The following E2F3 variants were observed in gnomAD, a reference collection of about 807,000 sequenced individuals.
E2F3 encodes the protein E2F transcription factor 3.
In E2F3, 11 loss-of-function variants were observed where a neutral mutation model predicts 44.4. The observed-to-expected ratio is 0.25, with a 90% CI of 0.16 to 0.41. E2F3 has a LOEUF of 0.41. Ranked by LOEUF, E2F3 falls within the 10% of genes least tolerant of loss-of-function variation. The probability of loss-of-function intolerance (pLI) is 1.00; values close to 1 mark genes in which losing one functional copy is unlikely to be tolerated. For missense variants in E2F3, 487 were observed against 583.6 expected, an observed-to-expected ratio of 0.83 and a Z score of 1.70; for synonymous variants, 249 against 253.0, an observed-to-expected ratio of 0.98 and a Z score of 0.15.
At chr6:20,426,878 A>G (rs148222707) in intron 1 of E2F3, among the ~76,000 whole-genome samples, 1 of 152,302 alleles carries the variant, frequency 6.6e-6, no homozygotes, top group Non-Finnish European at 1.5e-5. Context: ...CTGTAACTGT[A>G]GCTCCACTGT....
At chr6:20,470,963 G>A (rs953572298) in intron 1 of E2F3, among the ~76,000 whole-genome samples, 1 of 152,114 alleles carries the variant, frequency 6.6e-6, no homozygotes, top group Admixed American at 6.5e-5. Context: ...ACCCCAAATG[G>A]AAATGATATT....
At chr6:20,431,639 AG>A (rs1468866603) in intron 1 of E2F3, among the ~76,000 whole-genome samples, 1 of 152,072 alleles carries the variant, frequency 6.6e-6, no homozygotes, top group Non-Finnish European at 1.5e-5. Flanking sequence ...AGCAGAATGA[AG>A]CCCCTGTTAC....
At chr6:20,427,552 C>G (rs1760256356) in intron 1 of E2F3, among the ~76,000 whole-genome samples, 1 of 152,114 alleles carries the variant, frequency 6.6e-6, no homozygotes, top group Non-Finnish European at 1.5e-5. Flanking sequence ...TTCTAAGGCC[C>G]CCTTCTGCTC....
chr6:20,484,566 CT>C (rs769725207), intron 4 of E2F3, among the ~76,000 whole-genome samples: 3 of 152,130 alleles, frequency 2.0e-5, no homozygotes, highest in Non-Finnish European at 4.4e-5. Flanking sequence ...CTGCCTGGCC[CT>C]CTATAAAGGC....
intron 1 of E2F3, among the ~76,000 whole-genome samples, chr6:20,405,649 C>G (rs1759470774): frequency 6.6e-6 from 1 of 152,106 alleles, no homozygotes; most frequent in Non-Finnish European, 1.5e-5. Context: ...ATGGTGAAAC[C>G]CCGTCTCTAC....
In E2F3 at chr6:20,466,882, G is replaced by A. The variant is rs530727851; in HGVS notation, c.394-12964G>A. On this transcript the variant is annotated intron_variant, in intron 1 of 6. Transcript: ENST00000346618. ...TTTTTGGTAGAGATGGGGTTTCACC[G>A]TCTTGGCCAGGCTGGTCTTGAGCTC... 9.2e-5 allele frequency among the ~76,000 whole-genome samples: 14 copies of A among 152,066 alleles called. No homozygotes were observed. In the South Asian group the frequency reaches 1.0e-3, roughly 11 times the overall value.
chr6:20,404,007 T>A (rs1759405193), intron 1 of E2F3, among the ~76,000 whole-genome samples: 2 of 152,106 alleles, frequency 1.3e-5, no homozygotes, highest in Non-Finnish European at 2.9e-5. Flanking sequence ...TGCCCCGGCC[T>A]CCGGTTCTAG....
Position 20,481,202 on chromosome 6 carries a change from T to C in E2F3, c.506-4T>C. 1 of 1,613,490 alleles carries C rather than the reference T, an allele frequency of 6.2e-7. No homozygotes were observed. Among genetic ancestry groups the C allele is most frequent in the Non-Finnish European group, 8.5e-7 (1 of 1,179,562 alleles). ...CACCCGCTCGGTTTTTGTTTTTCTT[T>C]AAGCTCCAAAATCTCCCTCAGAAAA... On this transcript the variant is annotated splice_region_variant and splice_polypyrimidine_tract_variant and intron_variant, in intron 2 of 6. Transcript: ENST00000346618.
intron 1 of E2F3, among the ~76,000 whole-genome samples, chr6:20,472,735 TTC>T (rs533612580): frequency 7.2e-5 from 11 of 152,294 alleles, no homozygotes; most frequent in Non-Finnish European, 1.0e-4. Context: ...AATCCTTAAC[TTC>T]TGTCTCAGTG....
intron 1 of E2F3, among the ~76,000 whole-genome samples, chr6:20,474,500 T>C (rs767609113): frequency 4.6e-5 from 7 of 152,148 alleles, no homozygotes; most frequent in South Asian, 4.1e-4. Context: ...GCTGTTTTAC[T>C]GGTAGGGGCC....
intron 1 of E2F3, among the ~76,000 whole-genome samples, chr6:20,419,800 A>C (rs1182731634): frequency 1.3e-5 from 2 of 152,074 alleles, no homozygotes; most frequent in South Asian, 4.2e-4. Flanking sequence ...TCTTGAGCTC[A>C]GTCAATCTGC....
chr6:20,445,515 G>GT (rs572866804), intron 1 of E2F3, among the ~76,000 whole-genome samples: 133 of 152,162 alleles, frequency 8.7e-4, no homozygotes, highest in African/African-American at 3.0e-3. Context: ...TAAGACATGC[G>GT]TTTTTTCATT....
intron 1 of E2F3, among the ~76,000 whole-genome samples, chr6:20,424,210 G>GGGGTGTGTGTGTGT (rs1554135916): frequency 1.5e-5 from 2 of 136,920 alleles, no homozygotes; most frequent in South Asian, 2.4e-4. Flanking sequence ...TCAGTGGAAG[G>GGGGTGTGTGTGTGT]GTGTGTGTGT....
intron 4 of E2F3, 77 bp downstream of exon 4, chr6:20,482,997 A>G: frequency 6.3e-7 from 1 of 1,596,664 alleles, no homozygotes; most frequent in Non-Finnish European, 8.6e-7. Flanking sequence ...TGACTTATGC[A>G]CAAGGTAGAT....
intron 1 of E2F3, among the ~76,000 whole-genome samples, chr6:20,422,664 T>C (rs1760068044): frequency 6.6e-6 from 1 of 152,194 alleles, no homozygotes; most frequent in Non-Finnish European, 1.5e-5. Flanking sequence ...ATTAGCCTAA[T>C]TTCAGTATTC....
chr6:20,479,618 TCTGGGTGTGGACGGA>T (rs753529664), intron 1 of E2F3, among the ~76,000 whole-genome samples: 188 of 152,350 alleles, frequency 1.2e-3, no homozygotes, highest in Non-Finnish European at 1.7e-3. Context: ...TGTTTGTCCA[TCTGGGTGTGGACGGA>T]TGATCACGGC....
intron 4 of E2F3, among the ~76,000 whole-genome samples, chr6:20,483,863 A>G (rs1762309108): frequency 2.0e-5 from 3 of 152,238 alleles, no homozygotes; most frequent in African/African-American, 7.2e-5. Flanking sequence ...CTCATCTTTA[A>G]CAGGCTCCCC....
At chr6:20,462,553 G>A (rs1761547178) in intron 1 of E2F3, among the ~76,000 whole-genome samples, 2 of 151,484 alleles carry the variant, frequency 1.3e-5, no homozygotes, top group Admixed American at 1.3e-4. Context: ...CATCTCCCAG[G>A]TTCAAGCGAT....
intron 1 of E2F3, among the ~76,000 whole-genome samples, chr6:20,415,474 C>G (rs1321164797): frequency 6.6e-6 from 1 of 152,102 alleles, no homozygotes; most frequent in Non-Finnish European, 1.5e-5. Flanking sequence ...GGATCCCTGG[C>G]CTCCGCCCAC....
Sources: gnomAD v4.1 joint callset for allele counts (sites outside exome capture counted in the v4.1 genomes callset) on GRCh38, gnomAD v4.1.1 for gene constraint, MANE v1.5 for transcripts, NCBI Gene and HGNC (gene_info 2026-07-23, HGNC 2026-07-21) for gene names.